Variants in ATF7 observed in about 807,000 individuals in gnomAD.
ATF7 encodes cyclic AMP-dependent transcription factor ATF-7.
Under a neutral mutation model 50.4 loss-of-function variants are expected in ATF7, and 10 were observed. The observed-to-expected ratio is 0.20, with a 90% CI of 0.12 to 0.34. ATF7 has a LOEUF of 0.34. ATF7 is among the 10% of genes least tolerant of loss of function. The pLI, the probability that ATF7 is intolerant of heterozygous loss-of-function variation, is 1.00. For synonymous variants in ATF7, 201 were observed against 226.4 expected (o/e 0.89, Z 1.01); for missense variants, 465 against 613.9 (o/e 0.76, Z 2.56).
At chr12:53,586,930 T>C (rs1942710655) in intron 2 of ATF7, among the ~76,000 whole-genome samples, 1 of 152,180 alleles carries the variant, frequency 6.6e-6, no homozygotes, top group South Asian at 2.1e-4. Flanking sequence ...CCTTACCCAG[T>C]GAGGCAGTCT....
intron 11 of ATF7, among the ~76,000 whole-genome samples, chr12:53,518,784 G>A (rs980104089): frequency 7.2e-5 from 11 of 151,974 alleles, no homozygotes; most frequent in Admixed American, 1.3e-4. Flanking sequence ...AGTGGCTCAC[G>A]CCTGTAATCC....
chr12:53,560,948 C>CT lies in ATF7; in HGVS notation c.49-8312dup, dbSNP rs112538823. Among the ~76,000 whole-genome samples, 476 of 137,744 alleles carry CT rather than the reference C, an allele frequency of 3.5e-3. 3 individuals carry two copies. Among genetic ancestry groups the CT allele is most frequent in the South Asian group, 0.028 (120 of 4,296 alleles). The allele number at this position is 137,744 out of a possible 152,430, so 90.4% of individuals were successfully genotyped here. On this transcript the variant is annotated intron_variant, in intron 2 of 11. Coordinates refer to ENST00000420353, the MANE Select transcript of ATF7 (RefSeq NM_006856.3). ...TTGGGCTTGGTTTTTTCTTTTCTTT[C>CT]TTTTTTTTTTTTTTTTACACAGGGT... is the stretch of plus-strand genomic sequence containing the variant.
intron 9 of ATF7, 112 bp downstream of exon 9, chr12:53,531,632 A>G (rs1938896825): frequency 8.1e-7 from 1 of 1,228,044 alleles, no homozygotes; most frequent in South Asian, 1.9e-5. Context: ...GTAAGCAGGA[A>G]GAAACCCAGA....
intron 2 of ATF7, among the ~76,000 whole-genome samples, chr12:53,589,071 A>G (rs999199483): frequency 1.4e-4 from 21 of 152,184 alleles, no homozygotes; most frequent in African/African-American, 3.9e-4. Context: ...CCATTTACCA[A>G]AAAAACACTA....
intron 9 of ATF7, among the ~76,000 whole-genome samples, chr12:53,526,616 C>T (rs959437108): frequency 6.6e-6 from 1 of 152,078 alleles, no homozygotes; most frequent in African/African-American, 2.4e-5. Flanking sequence ...TTTGGGAGGC[C>T]GAGGCAGGTG....
At chr12:53,507,915 G>A (rs890963608), downstream of ATF7, 1 of 163,942 alleles carries the variant, frequency 6.1e-6, no homozygotes, top group African/African-American at 2.4e-5. Context: ...GGAAGAGCCA[G>A]GGTCAGAGTC....
At chr12:53,587,843 A>ATATATTTTTTTTTT in intron 2 of ATF7, among the ~76,000 whole-genome samples, 1 of 61,568 alleles carries the variant, frequency 1.6e-5, no homozygotes, top group Non-Finnish European at 3.4e-5. Context: ...ATATATATAT[A>ATATATTTTTTTTTT]TTTTTTTTTT....
At chr12:53,519,049 G>A (rs1158022961) in intron 11 of ATF7, among the ~76,000 whole-genome samples, 6 of 143,410 alleles carry the variant, frequency 4.2e-5, no homozygotes, top group South Asian at 2.2e-4. Context: ...GCGAGACTCC[G>A]TCTCAAAAAA....
intron 2 of ATF7, among the ~76,000 whole-genome samples, chr12:53,590,244 T>C (rs533808624): frequency 5.3e-5 from 8 of 152,306 alleles, no homozygotes; most frequent in African/African-American, 1.9e-4. Context: ...ACAGTCGTCA[T>C]TAAACCAATT....
chr12:53,613,091 T>C (rs894162585), intron 1 of ATF7, among the ~76,000 whole-genome samples: 3 of 152,198 alleles, frequency 2.0e-5, no homozygotes, highest in Non-Finnish European at 2.9e-5. Context: ...CATTTTAACA[T>C]AGCAGTACTA....
chr12:53,546,414 T>C (rs1939916995), intron 3 of ATF7, among the ~76,000 whole-genome samples: 1 of 141,138 alleles, frequency 7.1e-6, no homozygotes, highest in Non-Finnish European at 1.6e-5. Context: ...AATATGGCTT[T>C]TGGCTGTTGA....
chr12:53,569,738 A>C (rs2137614567), intron 2 of ATF7, among the ~76,000 whole-genome samples: 1 of 151,524 alleles, frequency 6.6e-6, no homozygotes, highest in Non-Finnish European at 1.5e-5. Context: ...GCAGTGGTGC[A>C]ATCTCAGCTT....
intron 9 of ATF7, 37 bp downstream of exon 9, chr12:53,531,707 T>A (rs768060889): frequency 1.9e-6 from 3 of 1,576,742 alleles, no homozygotes; most frequent in East Asian, 4.6e-5. Context: ...TAAAGATACG[T>A]CATAAAGATA....
At chr12:53,589,845 G>T (rs949595214) in intron 2 of ATF7, among the ~76,000 whole-genome samples, 1 of 152,080 alleles carries the variant, frequency 6.6e-6, no homozygotes, top group Non-Finnish European at 1.5e-5. Context: ...AGGAAGAAAT[G>T]GTTCTTTCTT....
intron 1 of ATF7, among the ~76,000 whole-genome samples, chr12:53,621,423 C>T (rs1235025605): frequency 6.6e-6 from 1 of 152,060 alleles, no homozygotes; most frequent in African/African-American, 2.4e-5. Context: ...ATGACATTAT[C>T]AAGCTAAAAC....
At chr12:53,525,226 G>T (rs560479823) in intron 9 of ATF7, among the ~76,000 whole-genome samples, 16 of 152,340 alleles carry the variant, frequency 1.1e-4, no homozygotes, top group African/African-American at 3.8e-4. Context: ...GGTGGCGTAT[G>T]CCTGTAATCC....
At chr12:53,550,331 AAAATAAATAAATAAAT>A (rs200164879) in intron 3 of ATF7, among the ~76,000 whole-genome samples, 3 of 123,650 alleles carry the variant, frequency 2.4e-5, no homozygotes, top group African/African-American at 3.3e-5. Flanking sequence ...CTCAAAAAAA[AAAATAAATAAATAAAT>A]AAATAAATAA....
In ATF7 at chr12:53,516,956, C is replaced by T; in HGVS notation, c.*181G>A. ...CTCCGGGGCTGGGAGGCCCCCAGCA[C>T]AGGTGTCAAACGTACATGACCACAT... On this transcript the variant is annotated 3_prime_UTR_variant, in exon 12 of 12. Coordinates refer to ENST00000420353, the MANE Select transcript of ATF7 (RefSeq NM_006856.3). The T allele has an allele frequency of 1.4e-6, 1 of 704,998 alleles. No homozygotes were observed. The highest frequency in any genetic ancestry group is 2.4e-6 in the Non-Finnish European group (1 of 424,148). 43.7% of individuals were successfully genotyped at this position (704,998 alleles called of 1,614,324 possible). A position where few individuals can be genotyped will look rare whatever the true frequency, so the allele number is the denominator to read the frequency against.
At chr12:53,518,590 C>T (rs929635849) in intron 11 of ATF7, among the ~76,000 whole-genome samples, 7 of 152,158 alleles carry the variant, frequency 4.6e-5, no homozygotes, top group Admixed American at 1.3e-4. Context: ...CCCAAATTGC[C>T]GGGATTACAG....
Sources: allele counts gnomAD v4.1 joint callset (sites outside exome capture counted in the v4.1 genomes callset), GRCh38; gene constraint gnomAD v4.1.1; transcripts MANE v1.5; gene names NCBI Gene and HGNC (gene_info 2026-07-23, HGNC 2026-07-21).